Variants in TRPM3 observed in about 807,000 individuals in gnomAD.
The protein encoded by TRPM3 is long transient receptor potential channel 3.
A neutral mutation model predicts 181.2 loss-of-function variants in TRPM3; 77 were observed. That is an observed-to-expected ratio of 0.42 (90% CI 0.35 to 0.51). The LOEUF (loss-of-function observed/expected upper bound fraction) is 0.51, where lower values mean the gene tolerates loss of function less well. TRPM3 is among the 20% of genes least tolerant of loss of function. The probability of loss-of-function intolerance (pLI) is 0.01; values close to 1 mark genes in which losing one functional copy is unlikely to be tolerated. For synonymous variants in TRPM3, 745 were observed against 796.4 expected, an observed-to-expected ratio of 0.94 and a Z score of 1.09; for missense variants, 1,759 against 2,196.7, an observed-to-expected ratio of 0.80 and a Z score of 3.98.
intron 19 of TRPM3, among the ~76,000 whole-genome samples, chr9:70,606,651 G>GTGTGTATATATATA (rs145779027): frequency 1.9e-4 from 27 of 140,682 alleles, no homozygotes; most frequent in African/African-American, 6.0e-4. Context: ...GTGTGTGTGT[G>GTGTGTATATATATA]TATATATATA....
chr9:70,858,956 C>T (rs2095455854), intron 3 of TRPM3, among the ~76,000 whole-genome samples: 1 of 152,062 alleles, frequency 6.6e-6, no homozygotes, highest in African/African-American at 2.4e-5. Flanking sequence ...ATGTACCTTG[C>T]AGCATTTCAG....
chr9:70,650,368 A>G (rs997046714), intron 9 of TRPM3, among the ~76,000 whole-genome samples: 1 of 152,164 alleles, frequency 6.6e-6, no homozygotes, highest in African/African-American at 2.4e-5. Flanking sequence ...TCCCCTCATA[A>G]AAGACTTGGT....
At chr9:71,396,302 TAA>T (rs11460801) in intron 1 of TRPM3, among the ~76,000 whole-genome samples, 48 of 141,306 alleles carry the variant, frequency 3.4e-4, no homozygotes, top group African/African-American at 1.1e-3. Context: ...GTGCTATTGC[TAA>T]AAAAAAAAAA....
intron 1 of TRPM3, among the ~76,000 whole-genome samples, chr9:71,113,725 A>T (rs1385994884): frequency 6.6e-6 from 1 of 152,216 alleles, no homozygotes; most frequent in East Asian, 1.9e-4. Context: ...ATACATTTTG[A>T]ATCTATATAA....
At chr9:71,340,239 G>A (rs1356539797) in intron 1 of TRPM3, among the ~76,000 whole-genome samples, 1 of 152,136 alleles carries the variant, frequency 6.6e-6, no homozygotes, top group Non-Finnish European at 1.5e-5. Context: ...GAGAAGGCTA[G>A]AATAAATCCA....
intron 21 of TRPM3, among the ~76,000 whole-genome samples, chr9:70,594,390 T>C (rs2058649551): frequency 1.3e-5 from 2 of 152,276 alleles, no homozygotes; most frequent in African/African-American, 4.8e-5. Context: ...TATTCAATTG[T>C]TTAAATTATT....
At chr9:70,960,188 C>T (rs189335693) in intron 1 of TRPM3, among the ~76,000 whole-genome samples, 54 of 150,932 alleles carry the variant, frequency 3.6e-4, no homozygotes, top group Non-Finnish European at 5.0e-4. Flanking sequence ...AAGTAAGTGT[C>T]TGAATCAAAA....
intron 1 of TRPM3, among the ~76,000 whole-genome samples, chr9:71,208,835 C>T (rs961050889): frequency 3.3e-5 from 5 of 152,122 alleles, no homozygotes; most frequent in African/African-American, 1.2e-4. Context: ...TGGTCAGGGA[C>T]ACATAAACAT....
At chr9:71,073,133 G>A (rs769352976) in intron 1 of TRPM3, among the ~76,000 whole-genome samples, 9 of 152,046 alleles carry the variant, frequency 5.9e-5, no homozygotes, top group Non-Finnish European at 1.2e-4. Context: ...TCGTAGTGAT[G>A]GTCTCAAGTA....
intron 1 of TRPM3, among the ~76,000 whole-genome samples, chr9:70,996,423 C>T (rs1375265235): frequency 2.0e-5 from 3 of 152,204 alleles, no homozygotes; most frequent in Non-Finnish European, 4.4e-5. Flanking sequence ...CTGTCCACTG[C>T]TAGCAAATCC....
intron 1 of TRPM3, among the ~76,000 whole-genome samples, chr9:71,118,608 C>T (rs2072943196): frequency 6.6e-6 from 1 of 152,160 alleles, no homozygotes. Context: ...AGGACCTACA[C>T]TGCATTTACT....
In TRPM3 at chr9:71,351,876, G is replaced by GT. The variant is rs55844483; in HGVS notation, c.183+94776dup. On this transcript the variant is annotated intron_variant, in intron 1 of 24. Transcript: ENST00000357533. The stretch of plus-strand genomic sequence containing the variant: ...AGTTTTTGTTTGTTTGTTTGTTTTT[G>GT]TTTTTTTTTTTTTTTTTGAGACTGA... 1.8e-3 allele frequency among the ~76,000 whole-genome samples: 251 copies of GT among 141,688 alleles called. 4 individuals carry two copies. The highest frequency in any genetic ancestry group is 8.1e-3 in the South Asian group (37 of 4,588). 93.0% of individuals were successfully genotyped at this position (141,688 alleles called of 152,430 possible). A position where few individuals can be genotyped will look rare whatever the true frequency, so the allele number is the denominator to read the frequency against.
intron 1 of TRPM3, among the ~76,000 whole-genome samples, chr9:70,987,812 TTAAAG>T (rs1254245318): frequency 1.3e-5 from 2 of 152,108 alleles, no homozygotes; most frequent in African/African-American, 4.8e-5. Context: ...TAACACTGTA[TTAAAG>T]TATTCATATA....
At chr9:71,030,389 A>T (rs931622994) in intron 1 of TRPM3, among the ~76,000 whole-genome samples, 1 of 152,084 alleles carries the variant, frequency 6.6e-6, no homozygotes, top group African/African-American at 2.4e-5. Flanking sequence ...GCAAGGTGAA[A>T]CCCCATCTCT....
chr9:70,832,586 C>A (rs2094012470), intron 5 of TRPM3, among the ~76,000 whole-genome samples: 2 of 152,254 alleles, frequency 1.3e-5, no homozygotes, highest in South Asian at 4.2e-4. Flanking sequence ...GGCAAAAGCC[C>A]TTTTATAGAA....
intron 6 of TRPM3, among the ~76,000 whole-genome samples, chr9:70,819,517 C>T (rs1472018310): frequency 1.3e-5 from 2 of 152,028 alleles, no homozygotes; most frequent in Non-Finnish European, 2.9e-5. Flanking sequence ...CAGATGAGAC[C>T]ACACTCAAAT....
At chr9:70,640,516 G>C (rs1538669) in intron 10 of TRPM3, 44 bp downstream of exon 10, 1,117,832 of 1,543,984 alleles carry the variant, frequency 0.72, 410,698 homozygotes, top group Non-Finnish European at 0.75. Flanking sequence ...AATACCCTTG[G>C]CCAACCAAAG....
rs141518348 is a variant in TRPM3 at position 70,746,344 on chromosome 9, G to A, written c.1272+15257C>T. ...CTTGGTTTTTATGAGTCTATTAAGG[G>A]GTAGGTAGATAGTTGGCCTTCAGTT... On this transcript the variant is annotated intron_variant, in intron 8 of 25. Transcript: ENST00000677713. Among the ~76,000 whole-genome samples the A allele has an allele frequency of 7.8e-3, 1,189 of 152,166 alleles. 16 individuals are homozygous for A. The highest frequency in any genetic ancestry group is 0.027 in the African/African-American group (1,122 of 41,502).
At chr9:70,798,526 G>A (rs1768882664) in intron 6 of TRPM3, among the ~76,000 whole-genome samples, 1 of 152,004 alleles carries the variant, frequency 6.6e-6, no homozygotes, top group African/African-American at 2.4e-5. Context: ...ATTGTATTCT[G>A]CCTTGCTTTA....
Sources: gnomAD v4.1 joint callset for allele counts (sites outside exome capture counted in the v4.1 genomes callset) on GRCh38, gnomAD v4.1.1 for gene constraint, MANE v1.5 for transcripts, NCBI Gene and HGNC (gene_info 2026-07-23, HGNC 2026-07-21) for gene names.